CSMD1: variants seen among roughly 807,000 people sequenced by gnomAD.
The protein encoded by CSMD1 is CUB and sushi domain-containing protein 1.
A neutral mutation model predicts 417.5 loss-of-function variants in CSMD1; 213 were observed. The ratio of observed to expected loss-of-function variants is 0.51; its 90% CI spans 0.46 to 0.57. CSMD1 has a LOEUF of 0.57. Among genes scored for constraint, CSMD1 ranks in the 20% least tolerant of loss-of-function variants. CSMD1 has a pLI of 0.00. For missense variants in CSMD1, 6,923 were observed against 4,529.7 expected (o/e 1.53, Z -15.17); for synonymous variants, 2,862 against 1,736.8 (o/e 1.65, Z -16.11).
chr8:3,370,693 G>C (rs1809890083), intron 18 of CSMD1, among the ~76,000 whole-genome samples: 1 of 152,198 alleles, frequency 6.6e-6, no homozygotes, highest in Non-Finnish European at 1.5e-5. Context: ...GCAGAGAAAA[G>C]GCTGGGCACG....
At chr8:3,842,127 C>A (rs989820202) in intron 5 of CSMD1, among the ~76,000 whole-genome samples, 2 of 152,154 alleles carry the variant, frequency 1.3e-5, no homozygotes, top group Non-Finnish European at 2.9e-5. Context: ...AATTCAACCC[C>A]GATCTCTTCT....
chr8:3,474,840 G>C (rs1403581723), intron 11 of CSMD1, among the ~76,000 whole-genome samples: 1 of 151,994 alleles, frequency 6.6e-6, no homozygotes, highest in East Asian at 1.9e-4. Context: ...AGTACATATT[G>C]TTCTGATTTA....
chr8:3,531,653 G>A (rs906878208), intron 10 of CSMD1, among the ~76,000 whole-genome samples: 3 of 152,132 alleles, frequency 2.0e-5, no homozygotes, highest in Admixed American at 1.3e-4. Context: ...ACAGGAAGTA[G>A]AACAAAAACT....
At chr8:3,969,675 T>A (rs533236173) in intron 5 of CSMD1, among the ~76,000 whole-genome samples, 71 of 152,352 alleles carry the variant, frequency 4.7e-4, no homozygotes, top group Non-Finnish European at 4.0e-4. Flanking sequence ...CTTGCTTTGA[T>A]GTCAGTAGTG....
chr8:3,409,613 T>A lies in CSMD1; in HGVS notation c.1562-8A>T. On this transcript the variant is annotated splice_polypyrimidine_tract_variant and splice_region_variant and intron_variant, in intron 12 of 69. Coordinates refer to ENST00000635120, the MANE Select transcript of CSMD1 (RefSeq NM_033225.6). ...ACCCTCCCTTTTCAATTTCTGAAAA[T>A]GGAAAAACAAATGAACCCTTAAAAA... The A allele has an allele frequency of 6.4e-7, 1 of 1,568,588 alleles. No homozygotes were observed. Among genetic ancestry groups the A allele is most frequent in the Non-Finnish European group, 8.7e-7 (1 of 1,152,592 alleles).
At chr8:4,360,656 A>C (rs1801703101) in intron 3 of CSMD1, among the ~76,000 whole-genome samples, 1 of 151,564 alleles carries the variant, frequency 6.6e-6, no homozygotes, top group Admixed American at 6.6e-5. Flanking sequence ...ACACCTGGCT[A>C]ATTTTTTTTT....
At chr8:4,602,062 T>C (rs376488800) in intron 2 of CSMD1, among the ~76,000 whole-genome samples, 282 of 152,286 alleles carry the variant, frequency 1.9e-3, no homozygotes, top group South Asian at 4.3e-3. Flanking sequence ...TAGAAATAGA[T>C]AAAGGATGTA....
At chr8:4,268,461 G>A (rs182063509) in intron 3 of CSMD1, among the ~76,000 whole-genome samples, 16 of 152,266 alleles carry the variant, frequency 1.1e-4, no homozygotes, top group Non-Finnish European at 1.8e-4. Flanking sequence ...GTACTGAAAG[G>A]TAGTATCGCT....
At chr8:3,667,679 G>A (rs1003025019) in intron 7 of CSMD1, among the ~76,000 whole-genome samples, 7 of 152,180 alleles carry the variant, frequency 4.6e-5, no homozygotes, top group Non-Finnish European at 5.9e-5. Context: ...AGTTGTCCAC[G>A]CATGGTGATG....
intron 2 of CSMD1, among the ~76,000 whole-genome samples, chr8:4,447,516 G>A (rs1798884219): frequency 6.6e-6 from 1 of 152,144 alleles, no homozygotes; most frequent in Non-Finnish European, 1.5e-5. Context: ...CTTTGGAGAG[G>A]CTCTAATCCA....
chr8:4,250,804 G>A (rs1803017444), intron 3 of CSMD1, among the ~76,000 whole-genome samples: 1 of 152,100 alleles, frequency 6.6e-6, no homozygotes, highest in African/African-American at 2.4e-5. Context: ...CTGTTGAAAG[G>A]CTTAATTGTA....
At chr8:4,394,855 TAG>T (rs1447732614) in intron 3 of CSMD1, among the ~76,000 whole-genome samples, 2 of 152,094 alleles carry the variant, frequency 1.3e-5, no homozygotes, top group African/African-American at 2.4e-5. Flanking sequence ...TTCTCTGGGC[TAG>T]AGAGTCCGAT....
chr8:3,993,476 C>T (rs1049936774), intron 5 of CSMD1, among the ~76,000 whole-genome samples: 3 of 152,158 alleles, frequency 2.0e-5, no homozygotes, highest in Non-Finnish European at 4.4e-5. Context: ...CAGCTTTCCC[C>T]ATTTCTCTGA....
chr8:4,464,553 G>C (rs1463830703), intron 2 of CSMD1, among the ~76,000 whole-genome samples: 1 of 152,080 alleles, frequency 6.6e-6, no homozygotes, highest in Admixed American at 6.6e-5. Context: ...GTGAAAAGCA[G>C]AATGGTCGTA....
At chr8:4,153,743 AGT>A in intron 3 of CSMD1, among the ~76,000 whole-genome samples, 1 of 152,216 alleles carries the variant, frequency 6.6e-6, no homozygotes. Flanking sequence ...GCACGGTTTC[AGT>A]GTGGTGACCC....
At chr8:3,881,691 A>G (rs1489563964) in intron 5 of CSMD1, among the ~76,000 whole-genome samples, 1 of 152,020 alleles carries the variant, frequency 6.6e-6, no homozygotes, top group East Asian at 1.9e-4. Flanking sequence ...AACAATTTGG[A>G]AAAAAAGAGA....
chr8:4,563,387 C>A lies in CSMD1; in HGVS notation c.302+73955G>T, dbSNP rs957412631. Among the ~76,000 whole-genome samples, 8 of 151,950 alleles carry A rather than the reference C, an allele frequency of 5.3e-5. No individual in the cohort carries two copies. In the East Asian group the frequency reaches 7.7e-4, roughly 15 times the overall value. ...CTGCACTCCAGCCTGGGTAACAGAGCGACACTCTGTCTCTACAAAATAATA... is the reference window on the plus strand; with the variant it reads ...CTGCACTCCAGCCTGGGTAACAGAGAGACACTCTGTCTCTACAAAATAATA... On this transcript the variant is annotated intron_variant, in intron 2 of 69. Coordinates refer to ENST00000635120, the MANE Select transcript of CSMD1 (RefSeq NM_033225.6).
chr8:3,884,529 T>G (rs1039917855), intron 5 of CSMD1, among the ~76,000 whole-genome samples: 25 of 152,284 alleles, frequency 1.6e-4, no homozygotes, highest in African/African-American at 5.5e-4. Context: ...GTCCCAACAC[T>G]GCAGTCACTC....
At chr8:3,246,963 T>G (rs1036142656) in intron 26 of CSMD1, among the ~76,000 whole-genome samples, 2 of 152,196 alleles carry the variant, frequency 1.3e-5, no homozygotes, top group African/African-American at 4.8e-5. Flanking sequence ...CTTATAGAAC[T>G]TTTGTAAGTG....
Sources: gnomAD v4.1 joint callset for allele counts (sites outside exome capture counted in the v4.1 genomes callset) on GRCh38, gnomAD v4.1.1 for gene constraint, MANE v1.5 for transcripts, NCBI Gene and HGNC (gene_info 2026-07-23, HGNC 2026-07-21) for gene names.